The following RAD18 variants were observed in gnomAD, a reference collection of about 807,000 sequenced individuals.
RAD18 encodes E3 ubiquitin-protein ligase RAD18.
A neutral mutation model predicts 60.4 loss-of-function variants in RAD18; 47 were observed. The observed-to-expected ratio is 0.78, with a 90% confidence interval of 0.62 to 0.99. The LOEUF is 0.99. RAD18 is among the 50% of genes least tolerant of loss of function. The pLI, the probability that RAD18 is intolerant of heterozygous loss-of-function variation, is 0.00. For missense variants in RAD18, 640 were observed against 593.3 expected (o/e 1.08, Z -0.82); for synonymous variants, 225 against 195.5 (o/e 1.15, Z -1.26).
intron 2 of RAD18, among the ~76,000 whole-genome samples, chr3:8,953,927 T>C (rs1940965711): frequency 6.6e-6 from 1 of 152,170 alleles, no homozygotes; most frequent in South Asian, 2.1e-4. Flanking sequence ...ATATGAAATG[T>C]TCCCCTTACG....
At chr3:8,940,828 A>ATTTAGAC (rs1285637100) in intron 5 of RAD18, among the ~76,000 whole-genome samples, 4 of 152,230 alleles carry the variant, frequency 2.6e-5, no homozygotes, top group Non-Finnish European at 5.9e-5. Flanking sequence ...GCCAGGTAGA[A>ATTTAGAC]TTTAGACTTT....
chr3:8,910,153 G>A (rs746887285), intron 9 of RAD18, among the ~76,000 whole-genome samples: 2 of 152,176 alleles, frequency 1.3e-5, no homozygotes, highest in Non-Finnish European at 2.9e-5. Context: ...ACAGAGGCTA[G>A]GGGTGGCCCT....
intron 2 of RAD18, among the ~76,000 whole-genome samples, chr3:8,953,860 T>A (rs963101153): frequency 6.6e-6 from 1 of 152,050 alleles, no homozygotes; most frequent in Non-Finnish European, 1.5e-5. Flanking sequence ...AAAAAATTAA[T>A]CAAAGCTTGT....
Position 8,941,627 on chromosome 3 carries a change from C to T in RAD18, c.444G>A (p.Leu148=), listed in dbSNP as rs1940749234. 6.2e-7 allele frequency: 1 copy of T among 1,614,020 alleles called. No homozygotes were observed. Among genetic ancestry groups the T allele is most frequent in the African/African-American group, 1.3e-5 (1 of 74,908 alleles). ...ATTTGCTTTTATTTTCTTTTATCAA[C>T]AACTCTGATGTAGAACCACTCATTT... The part of the protein sequence containing the change: ...IREMSGSTSE[L]LIKENKSKFS... The change falls in exon 5 of 13, where the codon TTG becomes TTA. Residue 148 remains leucine (L), a synonymous_variant. Transcript: ENST00000264926.
chr3:8,924,710 C>G (rs1294823229), intron 7 of RAD18, among the ~76,000 whole-genome samples: 1 of 138,858 alleles, frequency 7.2e-6, no homozygotes, highest in African/African-American at 2.6e-5. Context: ...AACAAACTAT[C>G]TCTCAGACCA....
Position 8,899,041 on chromosome 3 carries a change from T to C in RAD18, c.1175A>G (p.Glu392Gly). 1 of 1,582,634 alleles carries C rather than the reference T, an allele frequency of 6.3e-7. No individual in the cohort carries two copies. The highest frequency in any genetic ancestry group is 8.6e-7 in the Non-Finnish European group (1 of 1,165,860). ...GTTTGTTACTGAGGTCATATTATCTTCCTGTCCTAGGAAAAAATAAATTTA... is the reference window on the plus strand; with the variant it reads ...GTTTGTTACTGAGGTCATATTATCTCCCTGTCCTAGGAAAAAATAAATTTA... ...EKLSSVCMGQ[E>G]DNMTSVTNHF... The change falls in exon 11 of 13, where the codon GAA (glutamate) becomes GGA (glycine). Residue 392 changes from glutamate (E) to glycine (G), a missense_variant. Transcript: ENST00000264926.
chr3:8,954,507 A>G (rs1296812399), intron 2 of RAD18, among the ~76,000 whole-genome samples: 1 of 152,154 alleles, frequency 6.6e-6, no homozygotes, highest in African/African-American at 2.4e-5. Context: ...TTCTCACTTA[A>G]TGGTGTTTTA....
chr3:8,941,211 G>A (rs1940741366), intron 5 of RAD18, among the ~76,000 whole-genome samples: 1 of 152,220 alleles, frequency 6.6e-6, no homozygotes, highest in South Asian at 2.1e-4. Context: ...ATTAAAAGCT[G>A]AAAACAGAAA....
intron 7 of RAD18, among the ~76,000 whole-genome samples, chr3:8,915,743 TC>T (rs1940189394): frequency 1.3e-5 from 2 of 151,864 alleles, no homozygotes; most frequent in African/African-American, 4.8e-5. Flanking sequence ...GCCACCACGC[TC>T]AGCTAATTTT....
intron 9 of RAD18, among the ~76,000 whole-genome samples, chr3:8,909,198 G>C (rs17049744): frequency 0.11 from 16,538 of 152,202 alleles, 1,010 homozygotes; most frequent in East Asian, 0.24. Context: ...CAAGGAGTAA[G>C]GGGAGGAGAA....
intron 12 of RAD18, among the ~76,000 whole-genome samples, chr3:8,886,669 C>A (rs1939570791): frequency 1.3e-5 from 2 of 152,172 alleles, no homozygotes; most frequent in African/African-American, 4.8e-5. Flanking sequence ...GAGAGTGCTG[C>A]TGGAGCAAAA....
intron 8 of RAD18, 97 bp downstream of exon 8, chr3:8,913,547 G>C: frequency 1.2e-6 from 1 of 851,236 alleles, no homozygotes; most frequent in Non-Finnish European, 1.7e-6. Context: ...AAATGTGTTA[G>C]TAAATGAATA....
intron 3 of RAD18, among the ~76,000 whole-genome samples, 190 bp downstream of exon 3, chr3:8,948,319 T>C (rs1296958191): frequency 6.6e-6 from 1 of 152,190 alleles, no homozygotes; most frequent in African/African-American, 2.4e-5. Context: ...TTCAGAAATC[T>C]TAACAAAAAA....
At chr3:8,900,473 C>T (rs1400867602) in intron 10 of RAD18, among the ~76,000 whole-genome samples, 1 of 152,216 alleles carries the variant, frequency 6.6e-6, no homozygotes, top group East Asian at 1.9e-4. Context: ...CTCTTACATA[C>T]ACTTCTAGAA....
Position 8,877,909 on chromosome 3 carries a change from G to A in RAD18, c.*3448C>T, listed in dbSNP as rs570740125. 125 of 152,332 alleles carry A rather than the reference G, an allele frequency of 8.2e-4. 1 individual carries two copies. Among genetic ancestry groups the A allele is most frequent in the African/African-American group, 2.6e-3 (108 of 41,548 alleles). The allele number at this position is 152,332 out of a possible 1,614,324, so 9.4% of individuals were successfully genotyped here. On this transcript the variant is annotated 3_prime_UTR_variant, in exon 13 of 13. Transcript: ENST00000264926. ...ATTTTTGCACAGGACGCTGTGGTCC[G>A]GGTGATAGTACACTAGCAAACCAGG... is the stretch of plus-strand genomic sequence containing the variant.
chr3:8,941,391 A>G (rs930528325), intron 5 of RAD18, 76 bp downstream of exon 5: 24 of 1,286,658 alleles, frequency 1.9e-5, no homozygotes, highest in Non-Finnish European at 2.6e-5. Flanking sequence ...TCCCCCTCAA[A>G]GATGCTGCCT....
chr3:8,916,371 T>C (rs71314315), intron 7 of RAD18, among the ~76,000 whole-genome samples: 3,419 of 152,270 alleles, frequency 0.022, 59 homozygotes, highest in Non-Finnish European at 0.032. Flanking sequence ...AAGTGATACG[T>C]AACAGCAATC....
At chr3:8,899,147 G>T in intron 10 of RAD18, 100 bp from the exon 11 acceptor site, 2 of 900,878 alleles carry the variant, frequency 2.2e-6, no homozygotes, top group Admixed American at 3.2e-5. Flanking sequence ...TAGTAAAGTT[G>T]AAGTATATGT....
intron 6 of RAD18, among the ~76,000 whole-genome samples, chr3:8,936,302 CAA>C (rs1452536056): frequency 6.6e-6 from 1 of 152,064 alleles, no homozygotes. Context: ...ACTTGGGTCT[CAA>C]AAAGAGGTCA....
Sources: gnomAD v4.1 joint callset for allele counts (sites outside exome capture counted in the v4.1 genomes callset) on GRCh38, gnomAD v4.1.1 for gene constraint, MANE v1.5 for transcripts, NCBI Gene and HGNC (gene_info 2026-07-23, HGNC 2026-07-21) for gene names.